Variants in NXPH1 observed in about 807,000 individuals in gnomAD.
NXPH1 encodes the protein neurexophilin-1.
In NXPH1, 5 loss-of-function variants were observed where a neutral mutation model predicts 23.7. The observed-to-expected ratio is 0.21, with a 90% CI of 0.11 to 0.44. The LOEUF is 0.44. Ranked by LOEUF, NXPH1 falls within the 20% of genes least tolerant of loss-of-function variation. The pLI, the probability that NXPH1 is intolerant of heterozygous loss-of-function variation, is 0.99. For missense variants in NXPH1, 324 were observed against 321.6 expected, an observed-to-expected ratio of 1.01 and a Z score of -0.06; for synonymous variants, 144 against 122.2, an observed-to-expected ratio of 1.18 and a Z score of -1.18.
chr7:8,674,172 C>T (rs958733546), intron 2 of NXPH1, among the ~76,000 whole-genome samples: 3 of 113,722 alleles, frequency 2.6e-5, no homozygotes, highest in African/African-American at 1.1e-4. Flanking sequence ...GACACACACA[C>T]ACACACACAC....
Position 8,434,163 on chromosome 7 carries a change from A to G in NXPH1, c.-703A>G. The G allele has an allele frequency of 6.5e-6, 1 of 153,014 alleles. No homozygotes were observed. Among genetic ancestry groups the G allele is most frequent in the Non-Finnish European group, 1.5e-5 (1 of 68,554 alleles). 9.5% of individuals were successfully genotyped at this position (153,014 alleles called of 1,614,324 possible). ...GAGGTACAGCTGCTCCGTGTGCCGC[A>G]GGCTCCAGATTCTCGCCACCCCACC... On this transcript the variant is annotated 5_prime_UTR_variant, in exon 1 of 3. Transcript: ENST00000405863. This position sits in a 1 kb window ranked among gnomAD's most constrained non-coding sequence, Gnocchi z 7.6.
In NXPH1 at chr7:8,660,743, A is replaced by G. The variant is rs866366226; in HGVS notation, c.55-90265A>G. The stretch of plus-strand genomic sequence containing the variant: ...AGCAGAACTATCAGACAAGGAAAAG[A>G]TTCACAATCTTTCCAATAATAGATA... On this transcript the variant is annotated intron_variant, in intron 2 of 2. Transcript: ENST00000405863. 9.2e-5 allele frequency among the ~76,000 whole-genome samples: 14 copies of G among 152,326 alleles called. No homozygotes were observed. In the Middle Eastern group the frequency reaches 0.01, roughly 111 times the overall value.
chr7:8,611,028 T>TA lies in NXPH1; in HGVS notation c.55-139979dup, dbSNP rs1485637554. On this transcript the variant is annotated intron_variant, in intron 2 of 2. Transcript: ENST00000405863. ...TAGCCATTGTGGCTGAAACGCCGCT[T>TA]AGAGTTGTACTCTGTGCCAAATTCA... 2.0e-5 allele frequency among the ~76,000 whole-genome samples: 3 copies of TA among 152,168 alleles called. No homozygotes were observed. The East Asian group carries it at 5.8e-4, about 29-fold the overall frequency.
In NXPH1 at chr7:8,715,835, A is replaced by G. The variant is rs79401984; in HGVS notation, c.55-35173A>G. Among the ~76,000 whole-genome samples the G allele has an allele frequency of 2.2e-4, 34 of 152,282 alleles. 1 individual carries two copies. The East Asian group carries it at 6.4e-3, about 29-fold the overall frequency. ...AGAGATGAAGGGAGAGGTGTCCCCA[A>G]ATTAAGAGCATTATAAGAAGTTGAA... On this transcript the variant is annotated intron_variant, in intron 2 of 2. Coordinates refer to ENST00000405863, the MANE Select transcript of NXPH1 (RefSeq NM_152745.3).
intron 2 of NXPH1, among the ~76,000 whole-genome samples, chr7:8,478,593 C>T (rs1817016322): frequency 6.6e-6 from 1 of 151,864 alleles, no homozygotes; most frequent in African/African-American, 2.4e-5. Flanking sequence ...ATTCTAAAAC[C>T]ATAATTCAAG....
intron 2 of NXPH1, among the ~76,000 whole-genome samples, chr7:8,731,623 G>T (rs1338709668): frequency 1.3e-5 from 2 of 152,218 alleles, no homozygotes; most frequent in Non-Finnish European, 2.9e-5. Context: ...GTCTGCCCCT[G>T]TTGGAGGGTG....
intron 2 of NXPH1, among the ~76,000 whole-genome samples, chr7:8,697,431 C>T (rs537292231): frequency 3.0e-4 from 45 of 152,068 alleles, no homozygotes; most frequent in Non-Finnish European, 5.7e-4. Flanking sequence ...GATAGTGGCT[C>T]AGACTGCAAT....
chr7:8,456,127 C>G (rs1816590380), intron 2 of NXPH1, among the ~76,000 whole-genome samples: 1 of 152,154 alleles, frequency 6.6e-6, no homozygotes, highest in South Asian at 2.1e-4. Flanking sequence ...GGAATGAGAA[C>G]TCTAGTCTGA....
chr7:8,561,351 G>GACACACACACACAC (rs61219039), intron 2 of NXPH1, among the ~76,000 whole-genome samples: 10,460 of 140,726 alleles, frequency 0.074, 424 homozygotes, highest in Middle Eastern at 0.099. Context: ...AAGCCTATGT[G>GACACACACACACAC]ACACACACAC....
chr7:8,694,575 G>A (rs952185262), intron 2 of NXPH1, among the ~76,000 whole-genome samples: 36 of 152,114 alleles, frequency 2.4e-4, no homozygotes, highest in African/African-American at 8.4e-4. Context: ...CCTTAAACGG[G>A]TTATAATAAC....
At chr7:8,585,106 T>G (rs1818955008) in intron 2 of NXPH1, among the ~76,000 whole-genome samples, 1 of 152,236 alleles carries the variant, frequency 6.6e-6, no homozygotes, top group African/African-American at 2.4e-5. Context: ...CTCTTTTCAT[T>G]GGGAAATATC....
At chr7:8,727,572 C>A (rs1368318279) in intron 2 of NXPH1, among the ~76,000 whole-genome samples, 2 of 152,038 alleles carry the variant, frequency 1.3e-5, no homozygotes, top group Non-Finnish European at 2.9e-5. Context: ...CCAGGTTTCC[C>A]AGCACCATTT....
chr7:8,607,864 A>T (rs1236381863), intron 2 of NXPH1, among the ~76,000 whole-genome samples: 1 of 152,234 alleles, frequency 6.6e-6, no homozygotes, highest in Non-Finnish European at 1.5e-5. Context: ...GTACTGAAGT[A>T]AGGTGGACTC....
At chr7:8,642,585 G>A (rs567040415) in intron 2 of NXPH1, among the ~76,000 whole-genome samples, 2 of 152,030 alleles carry the variant, frequency 1.3e-5, no homozygotes, top group African/African-American at 4.8e-5. Flanking sequence ...TTGCCTTTTT[G>A]ACCATCTGTC....
chr7:8,697,391 G>A (rs144295218), intron 2 of NXPH1, among the ~76,000 whole-genome samples: 7 of 152,224 alleles, frequency 4.6e-5, no homozygotes, highest in Non-Finnish European at 1.0e-4. Flanking sequence ...GACCAGTTAG[G>A]TGTCCTATGA....
chr7:8,703,603 G>A (rs1305897114), intron 2 of NXPH1, among the ~76,000 whole-genome samples: 3 of 151,966 alleles, frequency 2.0e-5, no homozygotes, highest in East Asian at 1.9e-4. Flanking sequence ...TATTATCTAT[G>A]GTTGATTGAA....
At chr7:8,712,088 A>G (rs965126932) in intron 2 of NXPH1, among the ~76,000 whole-genome samples, 4 of 152,194 alleles carry the variant, frequency 2.6e-5, no homozygotes, top group African/African-American at 9.7e-5. Flanking sequence ...GTGGAGCTTG[A>G]TTTCACTGAC....
chr7:8,613,208 T>C (rs1173541042), intron 2 of NXPH1, among the ~76,000 whole-genome samples: 3 of 151,982 alleles, frequency 2.0e-5, no homozygotes, highest in African/African-American at 7.2e-5. Flanking sequence ...ATTTCAATAA[T>C]TATAGTCATG....
chr7:8,597,954 T>G (rs1052866251), intron 2 of NXPH1, among the ~76,000 whole-genome samples: 1 of 151,864 alleles, frequency 6.6e-6, no homozygotes, highest in Admixed American at 6.6e-5. Context: ...AGTGGTCCTA[T>G]CATTTGAGTG....
Sources: gnomAD v4.1 joint callset for allele counts (sites outside exome capture counted in the v4.1 genomes callset) on GRCh38, gnomAD v4.1.1 for gene constraint, Gnocchi (gnomAD v3.1) non-coding constraint, MANE v1.5 for transcripts, NCBI Gene and HGNC (gene_info 2026-07-23, HGNC 2026-07-21) for gene names.